The following AAGAB variants were observed in gnomAD, a reference collection of about 807,000 sequenced individuals.
The protein encoded by AAGAB is alpha- and gamma-adaptin-binding protein p34.
A neutral mutation model predicts 44.1 loss-of-function variants in AAGAB; 38 were observed. The observed-to-expected ratio is 0.86, with a 90% confidence interval of 0.67 to 1.13. The LOEUF is 1.13. Ranked by LOEUF, AAGAB falls within the 50% of genes most tolerant of loss-of-function variation. The pLI, the probability that AAGAB is intolerant of heterozygous loss-of-function variation, is 0.00. For synonymous variants in AAGAB, 131 were observed against 131.8 expected (o/e 0.99, Z 0.04); for missense variants, 450 against 373.8 (o/e 1.20, Z -1.68).
At chr15:67,248,358 C>T (rs559736343) in intron 1 of AAGAB, among the ~76,000 whole-genome samples, 1 of 152,290 alleles carries the variant, frequency 6.6e-6, no homozygotes, top group South Asian at 2.1e-4. Context: ...CTTGCTGGCC[C>T]AATCTTCCAT....
chr15:67,209,386 T>C (rs912806711), intron 6 of AAGAB, 76 bp downstream of exon 6: 54 of 1,184,282 alleles, frequency 4.6e-5, no homozygotes, highest in Admixed American at 4.2e-4. Context: ...AAAACAATGG[T>C]GAATGTGTCA....
At chr15:67,240,118 C>T (rs896844694) in intron 1 of AAGAB, among the ~76,000 whole-genome samples, 3 of 152,156 alleles carry the variant, frequency 2.0e-5, no homozygotes, top group Non-Finnish European at 4.4e-5. Context: ...GGATCCTCTG[C>T]CCTTTTAGGA....
At chr15:67,233,202 T>C (rs770839494) in intron 4 of AAGAB, among the ~76,000 whole-genome samples, 7 of 152,192 alleles carry the variant, frequency 4.6e-5, no homozygotes, top group Non-Finnish European at 1.0e-4. Context: ...TCGATACCTA[T>C]AGAAGAACTT....
At chr15:67,216,117 T>A (rs1373706203) in intron 5 of AAGAB, among the ~76,000 whole-genome samples, 2 of 151,948 alleles carry the variant, frequency 1.3e-5, no homozygotes, top group East Asian at 3.8e-4. Context: ...ATATATTCAT[T>A]GTAGAAAATT....
At chr15:67,222,282 A>ACACACACACC (rs796412643) in intron 5 of AAGAB, among the ~76,000 whole-genome samples, 2,043 of 139,724 alleles carry the variant, frequency 0.015, 35 homozygotes, top group East Asian at 0.039. Context: ...ACACACACAC[A>ACACACACACC]CCCTCCACCC....
At chr15:67,242,251 G>A (rs1964617639) in intron 1 of AAGAB, among the ~76,000 whole-genome samples, 1 of 133,180 alleles carries the variant, frequency 7.5e-6, no homozygotes, top group Admixed American at 8.4e-5. Flanking sequence ...GTGAAACCCC[G>A]TCTCTACTAA....
At chr15:67,238,917 G>C (rs924345546) in intron 1 of AAGAB, among the ~76,000 whole-genome samples, 4 of 152,024 alleles carry the variant, frequency 2.6e-5, no homozygotes, top group African/African-American at 4.8e-5. Flanking sequence ...GGATGGTCTC[G>C]ATCTCCTGAC....
chr15:67,233,515 GAA>G (rs1964392067), intron 4 of AAGAB, among the ~76,000 whole-genome samples: 1 of 152,206 alleles, frequency 6.6e-6, no homozygotes, highest in Non-Finnish European at 1.5e-5. Context: ...GTTAAAAAAG[GAA>G]AGTTTCCCGA....
Position 67,254,570 on chromosome 15 carries a change from T to C in AAGAB, c.62A>G (p.Gln21Arg). The C allele has an allele frequency of 6.2e-7, 1 of 1,609,516 alleles. No individual in the cohort carries two copies. The highest frequency in any genetic ancestry group is 8.5e-7 in the Non-Finnish European group (1 of 1,178,782). ...TSCSSVFSGDQLVQHILGTED... is the reference protein window; with the variant it reads ...TSCSSVFSGDRLVQHILGTED... ...GCCTATCTACTCACGTTGGACCAGC[T>C]GGTCTCCTGAGAAGACGGAGGAGCA... The change falls in exon 1 of 10, where the codon CAG becomes CGG. Residue 21 changes from glutamine (Q) to arginine (R), a missense_variant. Physicochemically the swap from Gln to Arg is conservative, Grantham distance 43. Coordinates refer to ENST00000261880, the MANE Select transcript of AAGAB (RefSeq NM_024666.5).
intron 5 of AAGAB, among the ~76,000 whole-genome samples, chr15:67,231,001 C>A (rs1478654703): frequency 6.6e-6 from 1 of 152,172 alleles, no homozygotes; most frequent in Non-Finnish European, 1.5e-5. Flanking sequence ...TCTAAGCTAG[C>A]TCCAAATGCT....
intron 4 of AAGAB, among the ~76,000 whole-genome samples, chr15:67,232,130 T>C (rs991580363): frequency 2.6e-5 from 4 of 151,672 alleles, no homozygotes; most frequent in African/African-American, 9.7e-5. Context: ...GGCGCATGCA[T>C]GTAATTCCAG....
chr15:67,232,605 G>T, intron 4 of AAGAB: 1 of 404,182 alleles, frequency 2.5e-6, no homozygotes. Context: ...CACACCAGAT[G>T]TCATCTTTGA....
intron 8 of AAGAB, 147 bp from the exon 9 acceptor site, chr15:67,203,744 A>G (rs1325635441): frequency 5.6e-6 from 4 of 717,060 alleles, no homozygotes; most frequent in Non-Finnish European, 9.2e-6. Flanking sequence ...TAAGTCTTCC[A>G]AATTTTCCAG....
At chr15:67,221,258 T>C (rs1964058838) in intron 5 of AAGAB, 1 of 152,202 alleles carries the variant, frequency 6.6e-6, no homozygotes, top group Non-Finnish European at 1.5e-5. Context: ...CAAGGGAAAA[T>C]ACATCATTGA....
chr15:67,229,637 T>G (rs1345547310), intron 5 of AAGAB, among the ~76,000 whole-genome samples: 1 of 151,092 alleles, frequency 6.6e-6, no homozygotes, highest in Non-Finnish European at 1.5e-5. Flanking sequence ...GAGGAAGGAG[T>G]ACCTTATTAT....
At chr15:67,239,744 A>C (rs1230193968) in intron 1 of AAGAB, among the ~76,000 whole-genome samples, 5 of 152,252 alleles carry the variant, frequency 3.3e-5, no homozygotes, top group Non-Finnish European at 7.3e-5. Flanking sequence ...ATCATAATGT[A>C]GAGTTTAATT....
chr15:67,255,003 A>C (rs1308759981), upstream of AAGAB: 1 of 1,550,242 alleles, frequency 6.5e-7, no homozygotes, highest in African/African-American at 1.4e-5. Flanking sequence ...CTTCCGAGCG[A>C]GGTCCCGCGC....
At chr15:67,245,565 T>A (rs1245553098) in intron 1 of AAGAB, among the ~76,000 whole-genome samples, 3 of 152,202 alleles carry the variant, frequency 2.0e-5, no homozygotes, top group African/African-American at 7.2e-5. Context: ...AATCCGTAAA[T>A]GTATTAAAAA....
intron 5 of AAGAB, chr15:67,220,437 C>T (rs988190672): frequency 1.3e-5 from 2 of 152,220 alleles, no homozygotes; most frequent in African/African-American, 4.8e-5. Context: ...AAACATATAA[C>T]AGTCTTAATC....
Sources: gnomAD v4.1 joint callset for allele counts (sites outside exome capture counted in the v4.1 genomes callset) on GRCh38, gnomAD v4.1.1 for gene constraint, MANE v1.5 for transcripts, NCBI Gene and HGNC (gene_info 2026-07-23, HGNC 2026-07-21) for gene names.